THADA: variants seen among roughly 807,000 people sequenced by gnomAD.
The protein encoded by THADA is THADA armadillo repeat containing.
In THADA, 213 loss-of-function variants were observed where a neutral mutation model predicts 219.8. The observed-to-expected ratio is 0.97, with a 90% CI of 0.87 to 1.09. The LOEUF is 1.09. Ranked by LOEUF, THADA falls within the 50% of genes least tolerant of loss-of-function variation. The pLI is 0.00. For missense variants in THADA, 2,956 were observed against 2,311.3 expected (o/e 1.28, Z -5.72); for synonymous variants, 1,018 against 828.9 (o/e 1.23, Z -3.92).
At chr2:43,354,116 C>T (rs183116294) in intron 29 of THADA, among the ~76,000 whole-genome samples, 5 of 151,952 alleles carry the variant, frequency 3.3e-5, no homozygotes, top group South Asian at 2.1e-4. Context: ...CCACTGCGCC[C>T]GGCCAATTTT....
At chr2:43,556,176 T>C (rs929077538) in intron 17 of THADA, 169 bp downstream of exon 17, 19 of 1,340,416 alleles carry the variant, frequency 1.4e-5, no homozygotes, top group Admixed American at 6.0e-5. Flanking sequence ...AAAAGTATTA[T>C]AGCTGACTAA....
chr2:43,518,577 T>C (rs72867003), intron 22 of THADA, among the ~76,000 whole-genome samples: 178 of 152,344 alleles, frequency 1.2e-3, no homozygotes, highest in African/African-American at 4.1e-3. Context: ...TTCAGGTTCA[T>C]GTAAAAGTGT....
intron 29 of THADA, 31 bp downstream of exon 29, chr2:43,397,940 G>A: frequency 6.2e-7 from 1 of 1,611,146 alleles, no homozygotes; most frequent in Non-Finnish European, 8.5e-7. Flanking sequence ...TATGGTGTTT[G>A]ACAGAAGTCA....
Position 43,528,151 on chromosome 2 carries a change from G to C in THADA, c.3265-163C>G, listed in dbSNP as rs10204784. Among the ~76,000 whole-genome samples the C allele has an allele frequency of 7.7e-5, 7 of 90,590 alleles. No homozygotes were observed. The South Asian group carries it at 2.2e-3, about 29-fold the overall frequency. 59.4% of individuals were successfully genotyped at this position (90,590 alleles called of 152,430 possible). A position where few individuals can be genotyped will look rare whatever the true frequency, so the allele number is the denominator to read the frequency against. The stretch of plus-strand genomic sequence containing the variant: ...CTTTTTTTTTTTTTTTTTTTTTTGA[G>C]ATGGATTTTTGCTCTGTTGTCCAGG... On this transcript the variant is annotated intron_variant, in intron 21 of 37. Transcript: ENST00000405975.
intron 29 of THADA, among the ~76,000 whole-genome samples, chr2:43,385,365 G>T (rs1672525437): frequency 6.6e-6 from 1 of 152,068 alleles, no homozygotes; most frequent in African/African-American, 2.4e-5. Context: ...CCAGCACTTT[G>T]GGAGGCCGAG....
intron 12 of THADA, 121 bp downstream of exon 12, chr2:43,572,693 A>T: frequency 2.5e-6 from 2 of 786,316 alleles, no homozygotes; most frequent in Non-Finnish European, 3.7e-6. Flanking sequence ...TAGGGTTTCT[A>T]CTCATTCTCT....
chr2:43,425,986 C>T (rs754223946), intron 28 of THADA, among the ~76,000 whole-genome samples: 1 of 152,158 alleles, frequency 6.6e-6, no homozygotes, highest in African/African-American at 2.4e-5. Context: ...GAATCTACTT[C>T]ATAAAGCACC....
chr2:43,262,485 T>TATGGA, intron 36 of THADA, among the ~76,000 whole-genome samples: 1 of 152,310 alleles, frequency 6.6e-6, no homozygotes, highest in Admixed American at 6.5e-5. Flanking sequence ...GACTCACTCA[T>TATGGA]ATGGAATGGA....
At chr2:43,272,990 T>C (rs1035249316) in intron 36 of THADA, among the ~76,000 whole-genome samples, 4 of 152,066 alleles carry the variant, frequency 2.6e-5, no homozygotes, top group Non-Finnish European at 5.9e-5. Context: ...GGCTCATGCC[T>C]GTAATCCCAG....
At chr2:43,587,383 T>C (rs1344110305) in intron 4 of THADA, among the ~76,000 whole-genome samples, 1 of 152,264 alleles carries the variant, frequency 6.6e-6, no homozygotes, top group African/African-American at 2.4e-5. Flanking sequence ...CCTGACCTCA[T>C]CTTTATTTAT....
chr2:43,534,227 G>A (rs1451173918), intron 21 of THADA, among the ~76,000 whole-genome samples: 3 of 151,824 alleles, frequency 2.0e-5, no homozygotes, highest in South Asian at 4.2e-4. Context: ...ATATTTATGG[G>A]GTACACAGTA....
At chr2:43,549,443 CA>C (rs1696490857) in intron 19 of THADA, 75 bp from the exon 20 acceptor site, 11 of 1,418,578 alleles carry the variant, frequency 7.8e-6, no homozygotes, top group Non-Finnish European at 1.0e-5. Flanking sequence ...GATGCTTACT[CA>C]AAAAATCTAT....
intron 15 of THADA, among the ~76,000 whole-genome samples, chr2:43,561,154 A>T (rs1698026976): frequency 6.6e-6 from 1 of 152,172 alleles, no homozygotes. Flanking sequence ...CCCTTCAGGG[A>T]AAAGCTCAAT....
chr2:43,338,260 G>A (rs112995840), intron 30 of THADA, among the ~76,000 whole-genome samples: 4 of 150,954 alleles, frequency 2.6e-5, no homozygotes, highest in Admixed American at 6.6e-5. Context: ...AGGTTCAAGC[G>A]ATTCTCCTGC....
chr2:43,434,977 T>C (rs1400183748), intron 26 of THADA, among the ~76,000 whole-genome samples: 3 of 152,166 alleles, frequency 2.0e-5, no homozygotes, highest in Admixed American at 6.5e-5. Context: ...CCCCACAGCC[T>C]GCCTGTCTGT....
chr2:43,289,959 G>GT lies in THADA; in HGVS notation c.5010+1736dup, dbSNP rs1024500166. Among the ~76,000 whole-genome samples, 1,132 of 129,530 alleles carry GT rather than the reference G, an allele frequency of 8.7e-3. 22 individuals are homozygous for GT. Among genetic ancestry groups the GT allele is most frequent in the East Asian group, 0.083 (361 of 4,352 alleles). The allele number at this position is 129,530 out of a possible 152,430, so 85.0% of individuals were successfully genotyped here. ...GTGAGCTACCGTGCCCGGCCCTGGT[G>GT]TTTTTTTTTTGTTTTTGTTTTTTTT... On this transcript the variant is annotated intron_variant, in intron 34 of 37. Coordinates refer to ENST00000405975, the MANE Select transcript of THADA (RefSeq NM_022065.5).
intron 23 of THADA, among the ~76,000 whole-genome samples, chr2:43,506,038 G>A (rs1689629482): frequency 6.6e-6 from 1 of 152,096 alleles, no homozygotes; most frequent in Non-Finnish European, 1.5e-5. Context: ...AACTCCTTAA[G>A]AATCCTAAGT....
chr2:43,271,595 AT>A (rs1309240810), intron 36 of THADA, among the ~76,000 whole-genome samples: 19 of 150,572 alleles, frequency 1.3e-4, no homozygotes, highest in Non-Finnish European at 2.7e-4. Flanking sequence ...CAAGACAAAA[AT>A]CCTACACTCT....
chr2:43,251,213 C>G (rs749567932), intron 36 of THADA, among the ~76,000 whole-genome samples: 30 of 152,122 alleles, frequency 2.0e-4, no homozygotes, highest in Non-Finnish European at 3.7e-4. Context: ...ATGCAGAGAG[C>G]AGAGATCAGA....
Sources: gnomAD v4.1 joint callset for allele counts (sites outside exome capture counted in the v4.1 genomes callset) on GRCh38, gnomAD v4.1.1 for gene constraint, MANE v1.5 for transcripts, NCBI Gene and HGNC (gene_info 2026-07-23, HGNC 2026-07-21) for gene names.